IQSEC3: variants seen among roughly 807,000 people sequenced by gnomAD.
The protein encoded by IQSEC3 is IQ motif and Sec7 domain ArfGEF 3.
Under a neutral mutation model 105.4 loss-of-function variants are expected in IQSEC3, and 50 were observed. That is an observed-to-expected ratio of 0.47 (90% CI 0.38 to 0.60). The LOEUF (loss-of-function observed/expected upper bound fraction) is 0.60. Ranked by LOEUF, IQSEC3 falls within the 20% of genes least tolerant of loss-of-function variation. IQSEC3 has a pLI of 0.00. For synonymous variants in IQSEC3, 708 were observed against 746.0 expected, an observed-to-expected ratio of 0.95 and a Z score of 0.83; for missense variants, 1,415 against 1,630.0, an observed-to-expected ratio of 0.87 and a Z score of 2.27.
At chr12:170,488 A>C (rs1197257905) in intron 12 of IQSEC3, among the ~76,000 whole-genome samples, 1 of 152,160 alleles carries the variant, frequency 6.6e-6, no homozygotes, top group East Asian at 1.9e-4. Flanking sequence ...TGGCACCCCC[A>C]GGGGTTGGGA....
chr12:174,872 G>T lies in IQSEC3; in HGVS notation c.3388G>T (p.Gly1130Cys), dbSNP rs746520801. The change falls in exon 14 of 14, where the codon GGC becomes TGC. Residue 1130 changes from glycine to cysteine, a missense_variant. Gly to Cys is a radical substitution (Grantham distance 159, BLOSUM62 -3). Coordinates refer to ENST00000538872, the MANE Select transcript of IQSEC3 (RefSeq NM_001170738.2). The stretch of plus-strand genomic sequence containing the variant: ...CACCTCGTCGTCCTCTGACTCCTGC[G>T]GCTCCACACCCCTGGGCGGTCCCGG... ...CYTSSSSDSCGSTPLGGPGSP... is the reference protein window; with the variant it reads ...CYTSSSSDSCCSTPLGGPGSP... 6.3e-7 allele frequency: 1 copy of T among 1,577,342 alleles called. No individual in the cohort carries two copies. The highest frequency in any genetic ancestry group is 8.5e-7 in the Non-Finnish European group (1 of 1,170,352).
chr12:156,721 G>C (rs1866699427), intron 5 of IQSEC3, among the ~76,000 whole-genome samples: 1 of 152,190 alleles, frequency 6.6e-6, no homozygotes, highest in Non-Finnish European at 1.5e-5. Context: ...CTTTGCTTGG[G>C]GTACTCTGAG....
In IQSEC3 at chr12:134,221, A is replaced by G. The variant is rs548500097; in HGVS notation, c.904-4046A>G. 3.1e-4 allele frequency among the ~76,000 whole-genome samples: 48 copies of G among 152,382 alleles called. 1 individual carries two copies. Among genetic ancestry groups the G allele is most frequent in the African/African-American group, 1.0e-3 (42 of 41,586 alleles). The stretch of plus-strand genomic sequence containing the variant: ...AATACACACTCATTGAAGGCCCACT[A>G]TGTGCTGGGCACTGTCCAAGCATTG... On this transcript the variant is annotated intron_variant, in intron 3 of 13. Transcript: ENST00000538872.
At chr12:141,354 A>G in intron 5 of IQSEC3, 69 bp downstream of exon 5, 1 of 1,514,362 alleles carries the variant, frequency 6.6e-7, no homozygotes, top group South Asian at 1.2e-5. Context: ...TCTCTCTGTG[A>G]GCTCCTTGGT....
At chr12:70,999 T>C (rs1555067380) in intron 1 of IQSEC3, among the ~76,000 whole-genome samples, 1 of 152,270 alleles carries the variant, frequency 6.6e-6, no homozygotes, top group Non-Finnish European at 1.5e-5. Context: ...ATCTCTCCCA[T>C]CTTCTCTTCC....
At chr12:153,065 G>A (rs1866560737) in intron 5 of IQSEC3, among the ~76,000 whole-genome samples, 1 of 152,068 alleles carries the variant, frequency 6.6e-6, no homozygotes, top group Non-Finnish European at 1.5e-5. Flanking sequence ...AATAAGAGAA[G>A]CAGCAGGACA....
intron 7 of IQSEC3, among the ~76,000 whole-genome samples, 160 bp downstream of exon 7, chr12:157,854 C>T (rs113641089): frequency 3.3e-5 from 5 of 152,320 alleles, no homozygotes; most frequent in African/African-American, 4.8e-5. Flanking sequence ...GTGAGCCAGG[C>T]GGCTGGGGAG....
intron 5 of IQSEC3, among the ~76,000 whole-genome samples, chr12:149,602 G>A (rs972214052): frequency 1.3e-5 from 2 of 152,212 alleles, no homozygotes; most frequent in African/African-American, 4.8e-5. Flanking sequence ...GGGAGGCAGA[G>A]ATTAAAATAA....
intron 1 of IQSEC3, 27 bp from the exon 2 acceptor site, chr12:99,119 T>A: frequency 6.3e-7 from 1 of 1,590,384 alleles, no homozygotes; most frequent in Non-Finnish European, 8.5e-7. Context: ...CCTCAGGCGC[T>A]CTGATCTCCC....
chr12:125,509 C>G lies in IQSEC3; in HGVS notation c.624-124C>G, dbSNP rs973809579. 2.1e-5 allele frequency: 21 copies of G among 981,656 alleles called. No homozygotes were observed. The Middle Eastern group carries it at 1.2e-3, about 56-fold the overall frequency. The allele number at this position is 981,656 out of a possible 1,614,324, so 60.8% of individuals were successfully genotyped here. A position where few individuals can be genotyped will look rare whatever the true frequency, so the allele number is the denominator to read the frequency against. On this transcript the variant is annotated intron_variant, in intron 2 of 13. Transcript: ENST00000538872. ...TCCCTAGAGGAGACTGTGAAAGACACCCCCTCCAGTCCTTGCCACAGGAAA... is the reference window on the plus strand; with the variant it reads ...TCCCTAGAGGAGACTGTGAAAGACAGCCCCTCCAGTCCTTGCCACAGGAAA...
At position 139,052 on chromosome 12, in the gene IQSEC3, G is replaced by A. The variant is rs1555088068; in HGVS notation, c.1689G>A (p.Ala563=). The A allele has an allele frequency of 2.7e-6, 4 of 1,484,570 alleles. No individual in the cohort carries two copies. The highest frequency in any genetic ancestry group is 2.5e-5 in the East Asian group (1 of 40,698). The allele number at this position is 1,484,570 out of a possible 1,614,324, so 92.0% of individuals were successfully genotyped here. A position where few individuals can be genotyped will look rare whatever the true frequency, so the allele number is the denominator to read the frequency against. The part of the protein sequence containing the change: ...SCAEAAASGA[A]DGATAPKTEE... ...CAGAGGCTGCGGCTAGTGGGGCGGCGGATGGGGCCACAGCCCCCAAAACAG... is the reference window on the plus strand; with the variant it reads ...CAGAGGCTGCGGCTAGTGGGGCGGCAGATGGGGCCACAGCCCCCAAAACAG... The change falls in exon 4 of 14, where the codon GCG becomes GCA. Residue 563 remains alanine, a synonymous_variant. Transcript: ENST00000538872.
chr12:165,612 G>A (rs1316403237), intron 10 of IQSEC3, 79 bp downstream of exon 10: 3 of 1,571,298 alleles, frequency 1.9e-6, no homozygotes, highest in Admixed American at 1.7e-5. Context: ...AGGGAGAAGG[G>A]CTGGACAGCA....
Position 100,015 on chromosome 12 carries a change from C to T in IQSEC3, c.623+801C>T, listed in dbSNP as rs148476763. On this transcript the variant is annotated intron_variant, in intron 2 of 13. Coordinates refer to ENST00000538872, the MANE Select transcript of IQSEC3 (RefSeq NM_001170738.2). ...CCAGTTTGTCTGTCTCCATTCTGCA[C>T]GTTTCTCTTTTCTTGACTTGTTCTT... 5.3e-5 allele frequency among the ~76,000 whole-genome samples: 8 copies of T among 151,708 alleles called. No individual in the cohort carries two copies. The East Asian group carries it at 7.8e-4, about 15-fold the overall frequency.
rs1555087494 is a variant in IQSEC3 at position 138,656 on chromosome 12, T to A, written c.1293T>A (p.Ser431Arg). ...AGACCATGTGCTCCCTGCGGGAGAG[T>A]GGCGCTTACCAGCTCCACCAGGCCC... ...SLKTMCSLRE[S>R]GAYQLHQALQ... The change falls in exon 4 of 14, where the codon AGT (serine) becomes AGA (arginine). Residue 431 changes from serine to arginine, a missense_variant. By Grantham distance (110) the Ser-to-Arg change is moderately radical. Around this residue, in one of 6 missense-constraint regions of IQSEC3, gnomAD observed 720 missense variants for 633.0 expected, o/e 1.14. Transcript: ENST00000538872. This position sits in a 1 kb window ranked among gnomAD's most constrained non-coding sequence, Gnocchi z 7.1. The A allele has an allele frequency of 6.4e-7, 1 of 1,569,860 alleles. No individual in the cohort carries two copies. Among genetic ancestry groups the A allele is most frequent in the Non-Finnish European group, 8.6e-7 (1 of 1,166,090 alleles).
At chr12:75,296 G>T (rs1555068714) in intron 1 of IQSEC3, among the ~76,000 whole-genome samples, 2 of 152,274 alleles carry the variant, frequency 1.3e-5, no homozygotes, top group South Asian at 4.1e-4. Context: ...GCTCATGAGG[G>T]AGGCAGATCA....
chr12:126,297 G>A (rs763114834), intron 3 of IQSEC3, among the ~76,000 whole-genome samples: 11 of 152,328 alleles, frequency 7.2e-5, no homozygotes, highest in Admixed American at 2.6e-4. Context: ...CAAGGGAGCC[G>A]GTGTTAGGCA....
At chr12:83,870 T>C (rs1325944436) in intron 1 of IQSEC3, among the ~76,000 whole-genome samples, 1 of 152,186 alleles carries the variant, frequency 6.6e-6, no homozygotes, top group Non-Finnish European at 1.5e-5. Flanking sequence ...AACCTCCACT[T>C]ACTTGATTTC....
intron 1 of IQSEC3, among the ~76,000 whole-genome samples, chr12:76,628 C>A (rs782539423): frequency 3.9e-4 from 60 of 152,378 alleles, no homozygotes; most frequent in Middle Eastern, 3.4e-3. Context: ...TGGGGCAAAT[C>A]TACCACGCCT....
chr12:133,978 T>C (rs542895198), intron 3 of IQSEC3, among the ~76,000 whole-genome samples: 28 of 152,350 alleles, frequency 1.8e-4, no homozygotes, highest in Admixed American at 1.6e-3. Flanking sequence ...GGGAACAGGC[T>C]AGTGCCCCAG....
Sources: allele counts gnomAD v4.1 joint callset (sites outside exome capture counted in the v4.1 genomes callset), GRCh38; gene constraint gnomAD v4.1.1; regional missense constraint gnomAD v4.1.1; non-coding constraint Gnocchi (gnomAD v3.1); transcripts MANE v1.5; gene names NCBI Gene and HGNC (gene_info 2026-07-23, HGNC 2026-07-21).